MAP4: variants seen among roughly 807,000 people sequenced by gnomAD.
MAP4 encodes microtubule-associated protein 4.
In MAP4, 76 loss-of-function variants were observed where a neutral mutation model predicts 170.2. That is an observed-to-expected ratio of 0.45 (90% CI 0.37 to 0.54). The LOEUF is 0.54. MAP4 is among the 20% of genes least tolerant of loss of function. MAP4 has a pLI of 0.00. For synonymous variants in MAP4, 909 were observed against 994.5 expected (o/e 0.91, Z 1.62); for missense variants, 2,506 against 2,748.0 (o/e 0.91, Z 1.97).
chr3:48,065,621 G>A (rs1489484168), intron 1 of MAP4, among the ~76,000 whole-genome samples: 2 of 152,166 alleles, frequency 1.3e-5, no homozygotes, highest in Non-Finnish European at 2.9e-5. Flanking sequence ...CAAATCAAAA[G>A]AATAAAAAAT....
chr3:48,046,545 C>T (rs921683258), intron 1 of MAP4, among the ~76,000 whole-genome samples: 2 of 152,128 alleles, frequency 1.3e-5, no homozygotes, highest in African/African-American at 4.8e-5. Flanking sequence ...TATGTGGACC[C>T]TTGATGTAGT....
At chr3:47,942,158 T>C (rs1053387917) in intron 3 of MAP4, among the ~76,000 whole-genome samples, 83 of 152,286 alleles carry the variant, frequency 5.5e-4, no homozygotes, top group African/African-American at 1.9e-3. Context: ...CAGGCTTCAT[T>C]ATGCTTTTGG....
intron 1 of MAP4, among the ~76,000 whole-genome samples, chr3:48,035,410 G>C (rs2100118343): frequency 6.6e-6 from 1 of 151,954 alleles, no homozygotes; most frequent in Middle Eastern, 3.2e-3. Context: ...GATGAGGGAG[G>C]ACTGCTTCAG....
intron 1 of MAP4, among the ~76,000 whole-genome samples, chr3:48,022,725 C>T (rs144815380): frequency 6.4e-4 from 98 of 152,138 alleles, no homozygotes; most frequent in Middle Eastern, 3.4e-3. Flanking sequence ...CCCGTCTCTA[C>T]GAAAAACACA....
At position 47,857,453 on chromosome 3, in the gene MAP4, C is replaced by T. The variant is rs150980381; in HGVS notation, c.6561G>A (p.Lys2187=). Residue 2187 remains lysine, a synonymous_variant, in exon 18 of 21, where the codon AAG becomes AAA. Coordinates refer to ENST00000683076, the MANE Select transcript of MAP4 (RefSeq NM_001385682.1). ...ISKVSSKCGS[K]ANIKHKPGGG... is the part of the protein sequence containing the mutation. ...CACCAGGCTTGTGCTTGATGTTAGCCTTAGACCCACACTTGGAGGAGACCT... is the reference window on the plus strand; with the variant it reads ...CACCAGGCTTGTGCTTGATGTTAGCTTTAGACCCACACTTGGAGGAGACCT... 37 of 1,614,158 alleles carry T rather than the reference C, an allele frequency of 2.3e-5. No individual in the cohort carries two copies. In the Admixed American group the frequency reaches 5.5e-4, roughly 24 times the overall value.
At chr3:48,062,494 TAAAAAAAA>T (rs1156947592) in intron 1 of MAP4, among the ~76,000 whole-genome samples, 25 of 81,532 alleles carry the variant, frequency 3.1e-4, no homozygotes, top group Admixed American at 1.6e-3. Flanking sequence ...GAATGATCAA[TAAAAAAAA>T]AAAAAAAAAA....
chr3:48,051,184 G>A (rs2100127642), intron 1 of MAP4, among the ~76,000 whole-genome samples: 1 of 151,728 alleles, frequency 6.6e-6, no homozygotes. Context: ...AGGCCAAGGT[G>A]GATGGATCAT....
chr3:48,062,508 A>AC (rs2100136256), intron 1 of MAP4, among the ~76,000 whole-genome samples: 2 of 150,484 alleles, frequency 1.3e-5, no homozygotes, highest in South Asian at 2.1e-4. Context: ...AAAAAAAAAA[A>AC]AAAAAAAAAC....
upstream of MAP4, among the ~76,000 whole-genome samples, chr3:48,017,430 C>T (rs1025757631): frequency 6.6e-6 from 1 of 151,902 alleles, no homozygotes; most frequent in African/African-American, 2.4e-5. Context: ...ATCAGGAAAA[C>T]ATTCCACCTG....
At position 47,910,252 on chromosome 3, in the gene MAP4, A is replaced by G; in HGVS notation, c.4169T>C (p.Ile1390Thr). ...ILENKIDATK[I>T]HVPMETTGDQ... ...CCCTGTGGTTTCCATGGGAACATGT[A>G]TTTTTGTTGCATCTATCTTATTCTC... The change falls in exon 9 of 21, where the codon ATA becomes ACA. Residue 1390 changes from isoleucine (I) to threonine (T), a missense_variant. Ile to Thr is a moderately conservative substitution (Grantham distance 89). This residue lies in a region of MAP4 where 2,008 missense variants were observed against 2,206.0 expected (regional missense o/e 0.91). Transcript: ENST00000683076. 1.2e-6 allele frequency: 2 copies of G among 1,607,542 alleles called. No individual in the cohort carries two copies. The highest frequency in any genetic ancestry group is 1.7e-6 in the Non-Finnish European group (2 of 1,179,648).
chr3:47,926,392 T>A (rs1275351768), intron 4 of MAP4, among the ~76,000 whole-genome samples: 1 of 147,236 alleles, frequency 6.8e-6, no homozygotes, highest in Non-Finnish European at 1.5e-5. Flanking sequence ...CCATGTTGGC[T>A]GGGCTGGCCT....
At chr3:47,870,779 C>T in intron 15 of MAP4, 34 bp downstream of exon 15, 1 of 1,515,738 alleles carries the variant, frequency 6.6e-7, no homozygotes, top group Non-Finnish European at 8.8e-7. Context: ...ATGCAGGGGC[C>T]AGCATGCCAG....
At chr3:48,026,833 T>G (rs913217403) in intron 1 of MAP4, among the ~76,000 whole-genome samples, 1 of 152,206 alleles carries the variant, frequency 6.6e-6, no homozygotes. Flanking sequence ...AAATAAAGTA[T>G]TAAAATGTTC....
At chr3:48,026,782 T>C (rs990016513) in intron 1 of MAP4, among the ~76,000 whole-genome samples, 1 of 152,208 alleles carries the variant, frequency 6.6e-6, no homozygotes, top group East Asian at 1.9e-4. Flanking sequence ...TATTTCCATA[T>C]AGAACCACCA....
chr3:47,924,355 C>T (rs1423649695), intron 4 of MAP4, among the ~76,000 whole-genome samples: 1 of 152,156 alleles, frequency 6.6e-6, no homozygotes, highest in Non-Finnish European at 1.5e-5. Flanking sequence ...TTGATGACAC[C>T]TGAATTTATA....
chr3:47,955,716 G>T (rs976446605), intron 3 of MAP4, among the ~76,000 whole-genome samples: 1 of 152,098 alleles, frequency 6.6e-6, no homozygotes, highest in Non-Finnish European at 1.5e-5. Flanking sequence ...GAAAAAGAGG[G>T]TACAATGTTT....
At chr3:48,046,938 C>CA (rs1559850965) in intron 1 of MAP4, among the ~76,000 whole-genome samples, 1 of 151,170 alleles carries the variant, frequency 6.6e-6, no homozygotes, top group Non-Finnish European at 1.5e-5. Flanking sequence ...ACTAAAAATA[C>CA]AAAAAATGAG....
chr3:47,952,663 A>T lies in MAP4; in HGVS notation c.293-24313T>A, dbSNP rs543091951. Among the ~76,000 whole-genome samples the T allele has an allele frequency of 1.2e-4, 18 of 151,614 alleles. No homozygotes were observed. The South Asian group carries it at 1.2e-3, about 11-fold the overall frequency. The stretch of plus-strand genomic sequence containing the variant: ...GAAAAAATAAATAAATAAATTAAAA[A>T]AAAAATAAAAATAAAAATAAAAATA... On this transcript the variant is annotated intron_variant, in intron 3 of 20. Transcript: ENST00000683076.
intron 15 of MAP4, among the ~76,000 whole-genome samples, chr3:47,869,834 A>G (rs189818033): frequency 2.6e-5 from 4 of 152,216 alleles, no homozygotes; most frequent in Middle Eastern, 3.4e-3. Context: ...CTTTTGCACC[A>G]TGAAACCATA....
Sources: gnomAD v4.1 joint callset for allele counts (sites outside exome capture counted in the v4.1 genomes callset) on GRCh38, gnomAD v4.1.1 for gene constraint, gnomAD v4.1.1 regional missense constraint, MANE v1.5 for transcripts, NCBI Gene and HGNC (gene_info 2026-07-23, HGNC 2026-07-21) for gene names.